The following MTUS2 variants were observed in gnomAD, a reference collection of about 807,000 sequenced individuals.
MTUS2 encodes the protein microtubule-associated tumor suppressor candidate 2.
A neutral mutation model predicts 114.1 loss-of-function variants in MTUS2; 40 were observed. The ratio of observed to expected loss-of-function variants is 0.35; its 90% CI spans 0.27 to 0.46. The LOEUF (loss-of-function observed/expected upper bound fraction) is 0.46, where lower values mean the gene tolerates loss of function less well. Among genes scored for constraint, MTUS2 ranks in the 20% least tolerant of loss-of-function variants. MTUS2 has a pLI of 1.00. For missense variants in MTUS2, 1,679 were observed against 1,705.4 expected (o/e 0.98, Z 0.27); for synonymous variants, 688 against 672.0 (o/e 1.02, Z -0.37).
At chr13:28,911,645 T>A (rs976511397) in intron 2 of MTUS2, among the ~76,000 whole-genome samples, 2 of 152,142 alleles carry the variant, frequency 1.3e-5, no homozygotes, top group Admixed American at 1.3e-4. Context: ...TTCCTTTTTC[T>A]CCACAACCTC....
chr13:29,078,267 AT>A (rs1406994850), intron 4 of MTUS2, among the ~76,000 whole-genome samples: 1 of 152,164 alleles, frequency 6.6e-6, no homozygotes, highest in Non-Finnish European at 1.5e-5. Context: ...GATTTTATTC[AT>A]TTAGAAGAGT....
chr13:28,962,860 C>T (rs752537924), intron 2 of MTUS2, among the ~76,000 whole-genome samples: 2 of 152,158 alleles, frequency 1.3e-5, no homozygotes, highest in Non-Finnish European at 2.9e-5. Flanking sequence ...CAGCCCTGAT[C>T]AGTGTCACTT....
chr13:28,932,223 C>T (rs1173239582), intron 2 of MTUS2, among the ~76,000 whole-genome samples: 4 of 152,150 alleles, frequency 2.6e-5, no homozygotes, highest in Admixed American at 2.6e-4. Context: ...TTGGAACGGA[C>T]AATTGTGTGA....
At chr13:29,223,867 G>A (rs1277069189) in intron 5 of MTUS2, among the ~76,000 whole-genome samples, 1 of 152,134 alleles carries the variant, frequency 6.6e-6, no homozygotes, top group Admixed American at 6.6e-5. Context: ...AAGCTTCCAG[G>A]AGCCACCACA....
At chr13:29,245,316 A>G (rs552244689) in intron 5 of MTUS2, among the ~76,000 whole-genome samples, 12 of 152,214 alleles carry the variant, frequency 7.9e-5, no homozygotes, top group Non-Finnish European at 1.6e-4. Flanking sequence ...TATTTAGGCC[A>G]TGGAACAGGT....
intron 2 of MTUS2, among the ~76,000 whole-genome samples, chr13:28,989,944 A>C (rs1884757013): frequency 6.6e-6 from 1 of 151,672 alleles, no homozygotes; most frequent in Non-Finnish European, 1.5e-5. Context: ...AACACCTATG[A>C]GGGTCAGATT....
At chr13:29,468,316 C>G (rs921106543) in intron 9 of MTUS2, among the ~76,000 whole-genome samples, 2 of 152,056 alleles carry the variant, frequency 1.3e-5, no homozygotes, top group African/African-American at 4.8e-5. Flanking sequence ...CAGTGGCTCA[C>G]GCCTGTAATC....
intron 5 of MTUS2, among the ~76,000 whole-genome samples, chr13:29,142,597 T>A (rs1448307799): frequency 6.6e-6 from 1 of 152,080 alleles, no homozygotes; most frequent in Non-Finnish European, 1.5e-5. Context: ...TCCCAGCTAC[T>A]CAGGAGGCTG....
At chr13:29,391,040 G>A (rs1446445740) in intron 8 of MTUS2, among the ~76,000 whole-genome samples, 1 of 151,962 alleles carries the variant, frequency 6.6e-6, no homozygotes, top group African/African-American at 2.4e-5. Context: ...GCCTCCCAAA[G>A]TGCTGGGATT....
chr13:28,963,011 C>A (rs778422606), intron 2 of MTUS2, among the ~76,000 whole-genome samples: 29 of 152,118 alleles, frequency 1.9e-4, no homozygotes, highest in Non-Finnish European at 3.4e-4. Context: ...GCCTTCCTTT[C>A]TTTTTTGTAG....
intron 2 of MTUS2, among the ~76,000 whole-genome samples, chr13:28,895,055 T>C (rs1180701904): frequency 6.6e-6 from 1 of 152,256 alleles, no homozygotes; most frequent in Non-Finnish European, 1.5e-5. Context: ...GTTTTAGCTC[T>C]TCTAAAAATC....
Position 29,412,715 on chromosome 13 carries a change from C to T in MTUS2, c.3118-27268C>T, listed in dbSNP as rs566504372. 9.2e-5 allele frequency among the ~76,000 whole-genome samples: 14 copies of T among 152,024 alleles called. No individual in the cohort carries two copies. In the East Asian group the frequency reaches 2.7e-3, roughly 29 times the overall value. On this transcript the variant is annotated intron_variant, in intron 8 of 15. Coordinates refer to ENST00000612955, the MANE Select transcript of MTUS2 (RefSeq NM_001033602.4). ...GACCAGCCTGGGCAACACAGCAAGA[C>T]CCTGTCTCTTCAAAAAATTTTTAAA...
chr13:29,113,256 C>T (rs1297464849), intron 5 of MTUS2, among the ~76,000 whole-genome samples: 1 of 152,222 alleles, frequency 6.6e-6, no homozygotes, highest in African/African-American at 2.4e-5. Context: ...CCTGCTCTGT[C>T]TGCCTTTCCC....
At position 29,480,121 on chromosome 13, in the gene MTUS2, T is replaced by A. The variant is rs961544800; in HGVS notation, c.3185-29T>A. The stretch of plus-strand genomic sequence containing the variant: ...TCCCATGCCTCCTACGGCCATTTTT[T>A]AAAGAAAGATCTTGTGCTTTGCGCC... On this transcript the variant is annotated intron_variant, in intron 9 of 15. Coordinates refer to ENST00000612955, the MANE Select transcript of MTUS2 (RefSeq NM_001033602.4). The surrounding 1 kb of genome is among the most constrained non-coding windows in gnomAD (Gnocchi z 4.4). 1.9e-6 allele frequency: 3 copies of A among 1,549,652 alleles called. No individual in the cohort carries two copies. The highest frequency in any genetic ancestry group is 2.6e-6 in the Non-Finnish European group (3 of 1,145,748).
In MTUS2 at chr13:29,124,808, T is replaced by G. The variant is rs183107320; in HGVS notation, c.2644+23838T>G. On this transcript the variant is annotated intron_variant, in intron 5 of 15. Transcript: ENST00000612955. Reference sequence around the variant, plus strand: ...ACATGGGTGAACCTTGAGTACATTGTGCTGAGTGAAATAAGCCAGACACAA... The same window carrying G: ...ACATGGGTGAACCTTGAGTACATTGGGCTGAGTGAAATAAGCCAGACACAA... Among the ~76,000 whole-genome samples, 169 of 152,342 alleles carry G rather than the reference T, an allele frequency of 1.1e-3. 1 individual carries two copies. The highest frequency in any genetic ancestry group is 1.7e-3 in the Non-Finnish European group (117 of 68,024).
In MTUS2 at chr13:29,493,517, C is replaced by T. The variant is rs184566132; in HGVS notation, c.3579+798C>T. ...GGAGGTGAATCCCATAGCTGTAACA[C>T]GTAGGCAGGAATTCTGCTTCTTCGA... On this transcript the variant is annotated intron_variant, in intron 12 of 15. Transcript: ENST00000612955. Among the ~76,000 whole-genome samples, 454 of 152,290 alleles carry T rather than the reference C, an allele frequency of 3.0e-3. 1 individual carries two copies. Among genetic ancestry groups the T allele is most frequent in the African/African-American group, 0.01 (431 of 41,554 alleles).
intron 8 of MTUS2, among the ~76,000 whole-genome samples, chr13:29,389,466 T>C (rs1363740281): frequency 3.0e-5 from 3 of 100,792 alleles, no homozygotes; most frequent in African/African-American, 1.1e-4. Context: ...TGTGTGTATG[T>C]GTATATGTAT....
At position 29,480,942 on chromosome 13, in the gene MTUS2, T is replaced by C. The variant is rs748526385; in HGVS notation, c.3399+578T>C. Among the ~76,000 whole-genome samples, 5 of 152,168 alleles carry C rather than the reference T, an allele frequency of 3.3e-5. No homozygotes were observed. The highest frequency in any genetic ancestry group is 5.9e-5 in the Non-Finnish European group (4 of 68,014). On this transcript the variant is annotated intron_variant, in intron 10 of 15. Transcript: ENST00000612955. This position sits in a 1 kb window ranked among gnomAD's most constrained non-coding sequence, Gnocchi z 4.4. ...CCTAACGAGGAAGGTACCATTCTTATTCCCATTTTACACGGAAGAAAGCCA... is the reference window on the plus strand; with the variant it reads ...CCTAACGAGGAAGGTACCATTCTTACTCCCATTTTACACGGAAGAAAGCCA...
chr13:29,263,965 C>A (rs1897572977), intron 5 of MTUS2, among the ~76,000 whole-genome samples: 1 of 152,216 alleles, frequency 6.6e-6, no homozygotes, highest in African/African-American at 2.4e-5. Context: ...AATGTCTCAA[C>A]TCATTTTAAC....
Sources: allele counts gnomAD v4.1 joint callset (sites outside exome capture counted in the v4.1 genomes callset), GRCh38; gene constraint gnomAD v4.1.1; non-coding constraint Gnocchi (gnomAD v3.1); transcripts MANE v1.5; gene names NCBI Gene and HGNC (gene_info 2026-07-23, HGNC 2026-07-21).